The following SCHIP1 variants were observed in gnomAD, a reference collection of about 807,000 sequenced individuals.
SCHIP1 encodes the protein schwannomin interacting protein 1.
A neutral mutation model predicts 29.7 loss-of-function variants in SCHIP1; 8 were observed. The observed-to-expected ratio is 0.27, with a 90% CI of 0.16 to 0.49. The LOEUF (loss-of-function observed/expected upper bound fraction) is 0.49, where lower values mean the gene tolerates loss of function less well. SCHIP1 is among the 20% of genes least tolerant of loss of function. SCHIP1 has a pLI of 0.99. For missense variants in SCHIP1, 193 were observed against 294.6 expected, an observed-to-expected ratio of 0.66 and a Z score of 2.52; for synonymous variants, 76 against 94.9, an observed-to-expected ratio of 0.80 and a Z score of 1.16.
the SCHIP1 span, among the ~76,000 whole-genome samples, chr3:159,769,899 A>G: frequency 1.3e-5 from 2 of 152,256 alleles, no homozygotes; most frequent in African/African-American, 2.4e-5. Flanking sequence ...ACCATCATGA[A>G]CATCAAGATA....
At chr3:159,508,773 C>A in the SCHIP1 span, among the ~76,000 whole-genome samples, 2 of 152,068 alleles carry the variant, frequency 1.3e-5, no homozygotes, top group Non-Finnish European at 2.9e-5. Flanking sequence ...TGTAGTTGAG[C>A]GGTTTTGAGT....
At chr3:159,773,082 A>G in the SCHIP1 span, among the ~76,000 whole-genome samples, 10 of 152,168 alleles carry the variant, frequency 6.6e-5, no homozygotes, top group African/African-American at 2.2e-4. Flanking sequence ...TTATTTCTGG[A>G]CCTCTGTCGC....
the SCHIP1 span, among the ~76,000 whole-genome samples, chr3:159,519,634 A>G: frequency 6.6e-6 from 1 of 152,204 alleles, no homozygotes; most frequent in Non-Finnish European, 1.5e-5. Flanking sequence ...GGTAAACAAC[A>G]GTGCATTTCC....
chr3:159,684,628 A>AC, the SCHIP1 span, among the ~76,000 whole-genome samples: 1 of 151,792 alleles, frequency 6.6e-6, no homozygotes, highest in Non-Finnish European at 1.5e-5. Context: ...ACATGGTGAA[A>AC]CCCCATCTCT....
chr3:159,431,303 G>A, the SCHIP1 span, among the ~76,000 whole-genome samples: 1 of 151,898 alleles, frequency 6.6e-6, no homozygotes, highest in Non-Finnish European at 1.5e-5. Flanking sequence ...AGGGTGTGGT[G>A]GGGGAGTGCT....
the SCHIP1 span, among the ~76,000 whole-genome samples, chr3:159,416,098 C>G: frequency 6.6e-6 from 1 of 152,168 alleles, no homozygotes; most frequent in South Asian, 2.1e-4. Flanking sequence ...GAACTTATTT[C>G]ACACCAGTGC....
the SCHIP1 span, among the ~76,000 whole-genome samples, chr3:159,609,178 C>T: frequency 1.3e-5 from 2 of 152,036 alleles, no homozygotes; most frequent in Non-Finnish European, 2.9e-5. Context: ...GGAGGGAGGG[C>T]ATCAAGAAAG....
the SCHIP1 span, among the ~76,000 whole-genome samples, chr3:159,394,227 G>A: frequency 6.6e-6 from 1 of 150,452 alleles, no homozygotes. Flanking sequence ...GAGACAATGG[G>A]GTTTTCTAGA....
the SCHIP1 span, among the ~76,000 whole-genome samples, chr3:159,828,430 C>T: frequency 0.16 from 14,724 of 91,546 alleles, 2,062 homozygotes; most frequent in East Asian, 0.43. Context: ...TATATATATA[C>T]GTATATATAC....
At chr3:159,296,882 T>G in the SCHIP1 span, among the ~76,000 whole-genome samples, 1 of 152,348 alleles carries the variant, frequency 6.6e-6, no homozygotes, top group East Asian at 1.9e-4. Flanking sequence ...TTTATTATCT[T>G]ATAAACTAAA....
At chr3:159,472,284 C>G in the SCHIP1 span, among the ~76,000 whole-genome samples, 1 of 152,146 alleles carries the variant, frequency 6.6e-6, no homozygotes, top group African/African-American at 2.4e-5. Flanking sequence ...TTAAGGACAA[C>G]AGTAAATGCT....
At chr3:159,872,146 A>G (rs1715359091) in intron 2 of SCHIP1, among the ~76,000 whole-genome samples, 1 of 152,088 alleles carries the variant, frequency 6.6e-6, no homozygotes, top group African/African-American at 2.4e-5. Context: ...CTTTGTGCAT[A>G]TAGATTTGTA....
the SCHIP1 span, among the ~76,000 whole-genome samples, chr3:159,408,670 A>T: frequency 4.6e-5 from 7 of 152,226 alleles, no homozygotes; most frequent in African/African-American, 1.7e-4. Flanking sequence ...AAGAAAGCCC[A>T]GGACCCAATG....
chr3:159,895,976 G>A lies in SCHIP1; in HGVS notation c.684-747G>A, dbSNP rs990806627. Reference sequence around the variant, plus strand: ...CTCCCAGAGTGCTGGAATTACAGGCGTGAGCCACTGGACCTGGCCCATAAT... The same window carrying A: ...CTCCCAGAGTGCTGGAATTACAGGCATGAGCCACTGGACCTGGCCCATAAT... On this transcript the variant is annotated intron_variant, in intron 6 of 6. Transcript: ENST00000445224. Among the ~76,000 whole-genome samples, 9 of 152,344 alleles carry A rather than the reference G, an allele frequency of 5.9e-5. No homozygotes were observed. The East Asian group carries it at 9.6e-4, about 16-fold the overall frequency.
the SCHIP1 span, among the ~76,000 whole-genome samples, chr3:159,462,479 C>G: frequency 1.4e-4 from 22 of 152,144 alleles, no homozygotes; most frequent in Non-Finnish European, 3.1e-4. Flanking sequence ...ATTACCATCA[C>G]TCTTGTCAAG....
At chr3:159,607,827 G>C in the SCHIP1 span, among the ~76,000 whole-genome samples, 1 of 152,152 alleles carries the variant, frequency 6.6e-6, no homozygotes, top group East Asian at 1.9e-4. Context: ...TTTCTCCATA[G>C]ACTCAAACTT....
At chr3:159,400,841 T>A in the SCHIP1 span, among the ~76,000 whole-genome samples, 1 of 152,212 alleles carries the variant, frequency 6.6e-6, no homozygotes, top group African/African-American at 2.4e-5. Context: ...AATATCCATC[T>A]CTTGGGCCCA....
At chr3:159,652,797 C>T in the SCHIP1 span, among the ~76,000 whole-genome samples, 1 of 152,046 alleles carries the variant, frequency 6.6e-6, no homozygotes, top group South Asian at 2.1e-4. Flanking sequence ...TAAAATTGAC[C>T]ATTTAGGACT....
chr3:159,779,406 G>A, the SCHIP1 span, among the ~76,000 whole-genome samples: 103 of 151,588 alleles, frequency 6.8e-4, 2 homozygotes, highest in South Asian at 3.8e-3. Context: ...AGTGGCTCAC[G>A]CCTGTAATCC....
Sources: gnomAD v4.1 joint callset for allele counts (sites outside exome capture counted in the v4.1 genomes callset) on GRCh38, gnomAD v4.1.1 for gene constraint, MANE v1.5 for transcripts, NCBI Gene and HGNC (gene_info 2026-07-23, HGNC 2026-07-21) for gene names.